Variants in GUSB observed in about 807,000 individuals in gnomAD.
The protein encoded by GUSB is glucuronidase beta, also known as beta-glucuronidase.
GUSB carries 51 observed loss-of-function variants against 74.6 expected under a neutral mutation model. The observed-to-expected ratio is 0.68, with a 90% CI of 0.55 to 0.86. The LOEUF (loss-of-function observed/expected upper bound fraction) is 0.86, where lower values mean the gene tolerates loss of function less well. Among genes scored for constraint, GUSB ranks in the 40% least tolerant of loss-of-function variants. GUSB has a pLI of 0.00. For missense variants in GUSB, 736 were observed against 853.7 expected, an observed-to-expected ratio of 0.86 and a Z score of 1.72; for synonymous variants, 360 against 348.3, an observed-to-expected ratio of 1.03 and a Z score of -0.37.
At chr7:65,966,988 A>C (rs1318387833) in intron 10 of GUSB, among the ~76,000 whole-genome samples, 1 of 152,168 alleles carries the variant, frequency 6.6e-6, no homozygotes, top group African/African-American at 2.4e-5. Flanking sequence ...TCCAGGCAGA[A>C]GAAACAGCTC....
chr7:65,972,777 T>G (rs1269793374), intron 8 of GUSB, among the ~76,000 whole-genome samples: 1 of 152,138 alleles, frequency 6.6e-6, no homozygotes, highest in Admixed American at 6.6e-5. Flanking sequence ...AAGCCTGTAC[T>G]CTTCCCCTTC....
intron 4 of GUSB, 58 bp downstream of exon 4, chr7:65,979,341 A>G (rs1329170559): frequency 1.3e-6 from 2 of 1,540,482 alleles, no homozygotes; most frequent in Non-Finnish European, 1.8e-6. Flanking sequence ...CTTTCCAAAC[A>G]GGGAACAAAC....
intron 1 of GUSB, 84 bp downstream of exon 1, chr7:65,981,890 G>C (rs756872456): frequency 1.1e-5 from 14 of 1,229,346 alleles, no homozygotes; most frequent in Non-Finnish European, 1.5e-5. Flanking sequence ...GACGCCCAGG[G>C]GAAGAAGTCT....
In GUSB at chr7:65,961,067, CAA is replaced by C. The variant is rs750022485; in HGVS notation, c.1790-6_1790-5del. 5.9e-3 allele frequency: 8,206 copies of C among 1,383,680 alleles called. No individual in the cohort carries two copies. Among genetic ancestry groups the C allele is most frequent in the Non-Finnish European group, 6.5e-3 (6,527 of 1,010,814 alleles). The allele number at this position is 1,383,680 out of a possible 1,614,324, so 85.7% of individuals were successfully genotyped here. A position where few individuals can be genotyped will look rare whatever the true frequency, so the allele number is the denominator to read the frequency against. On this transcript the variant is annotated splice_polypyrimidine_tract_variant and splice_region_variant and intron_variant, in intron 11 of 11. Coordinates refer to ENST00000304895, the MANE Select transcript of GUSB (RefSeq NM_000181.4). ...TTCCCCAGCACTCTCGTCGGTGCTA[CAA>C]AAAAAAAAAAAAGACACAAAGCGAT...
At chr7:65,967,623 A>G in intron 10 of GUSB, 108 bp downstream of exon 10, 1 of 958,190 alleles carries the variant, frequency 1.0e-6, no homozygotes, top group Non-Finnish European at 1.7e-6. Flanking sequence ...AGGAGAGCCC[A>G]AAGCTGAAGC....
chr7:65,964,598 T>C (rs752274429), intron 10 of GUSB, 140 bp from the exon 11 acceptor site: 37 of 741,414 alleles, frequency 5.0e-5, no homozygotes, highest in Non-Finnish European at 7.8e-5. Context: ...TCACTGATGC[T>C]GGGGTAAAGA....
Position 65,974,657 on chromosome 7 carries a change from G to C in GUSB, c.1113C>G (p.Asn371Lys). The change falls in exon 7 of 12, where the codon AAC (asparagine) becomes AAG (lysine). Residue 371 changes from asparagine (N) to lysine (K), a missense_variant. Coordinates refer to ENST00000304895, the MANE Select transcript of GUSB (RefSeq NM_000181.4). Reference protein sequence around the residue: ...FDWPLLVKDFNLLRWLGANAF... With the variant: ...FDWPLLVKDFKLLRWLGANAF... ...CGTTGGCACCAAGCCAGCGAAGCAG[G>C]TTGAAGTCCTTCACCAGCAGCGGCC... 6.2e-7 allele frequency: 1 copy of C among 1,613,922 alleles called. No individual in the cohort carries two copies. Among genetic ancestry groups the C allele is most frequent in the South Asian group, 1.1e-5 (1 of 91,072 alleles).
intron 1 of GUSB, chr7:65,980,947 T>A (rs1791968999): frequency 4.9e-6 from 1 of 204,986 alleles, no homozygotes; most frequent in African/African-American, 2.3e-5. Flanking sequence ...GGTGGCGTCC[T>A]GGGCCTGATG....
chr7:65,971,731 G>A (rs1199344804), intron 8 of GUSB, among the ~76,000 whole-genome samples: 1 of 143,472 alleles, frequency 7.0e-6, no homozygotes, highest in East Asian at 2.1e-4. Flanking sequence ...ACTCCATCTT[G>A]CGGAAAAAAA....
At chr7:65,979,617 T>C in intron 3 of GUSB, 76 bp from the exon 4 acceptor site, 1 of 1,598,438 alleles carries the variant, frequency 6.3e-7, no homozygotes, top group South Asian at 1.1e-5. Context: ...CTCCCTGGCC[T>C]CCCCAGATCC....
rs144397476 is a variant in GUSB, at chr7:65,979,855, G to A, written c.453C>T (p.Ala151=). 40 of 1,613,132 alleles carry A rather than the reference G, an allele frequency of 2.5e-5. No individual in the cohort carries two copies. The African/African-American group carries it at 2.8e-4, about 11-fold the overall frequency. ...CCACCTGGACCAGGTTGCTGATGTC[G>A]GCCTCGAAGGGGAGGTAGCCCCCCT... ...EHEGGYLPFE[A]DISNLVQVGP... is the part of the protein sequence containing the mutation. Residue 151 remains alanine (A), a synonymous_variant, in exon 3 of 12, where the codon GCC becomes GCT. Coordinates refer to ENST00000304895, the MANE Select transcript of GUSB (RefSeq NM_000181.4).
Position 65,981,985 on chromosome 7 carries a change from G to C in GUSB, c.199C>G (p.Pro67Ala), listed in dbSNP as rs1330912761. ...CCCCGAGATCGCACCTCCCACAGCG[G>C]CCGCCGGTACCACTGCTCCTCGAAG... ...RGFEEQWYRR[P>A]LWESGPTVDM... The change falls in exon 1 of 12, where the codon CCG (proline) becomes GCG (alanine). Residue 67 changes from proline to alanine, a missense_variant. Physicochemically the swap from Pro to Ala is conservative, Grantham distance 27. Around this residue, in one of 2 missense-constraint regions of GUSB, gnomAD observed 368 missense variants for 363.8 expected, o/e 1.01. Coordinates refer to ENST00000304895, the MANE Select transcript of GUSB (RefSeq NM_000181.4). 1 of 1,607,142 alleles carries C rather than the reference G, an allele frequency of 6.2e-7. No homozygotes were observed. The highest frequency in any genetic ancestry group is 1.1e-5 in the South Asian group (1 of 90,712).
In GUSB at chr7:65,970,340, A is replaced by G; in HGVS notation, c.1418T>C (p.Leu473Ser). The G allele has an allele frequency of 6.2e-7, 1 of 1,613,210 alleles. No individual in the cohort carries two copies. Among genetic ancestry groups the G allele is most frequent in the Non-Finnish European group, 8.5e-7 (1 of 1,179,544 alleles). ...LKMVIAHTKS[L>S]DPSRPVTFVS... is the part of the protein sequence containing the mutation. ...AAAGGTCACAGGCCGGGAGGGGTCC[A>G]AGGATTTGGTGTGAGCGATCACCAT... The change falls in exon 9 of 12, where the codon TTG becomes TCG. Residue 473 changes from leucine to serine, a missense_variant. Transcript: ENST00000304895.
chr7:65,973,890 C>T (rs114131564), intron 8 of GUSB, among the ~76,000 whole-genome samples: 5 of 151,724 alleles, frequency 3.3e-5, no homozygotes, highest in Admixed American at 6.6e-5. Context: ...AAAACTGCAC[C>T]GCTGCACTCC....
At chr7:65,970,889 AAAAC>A (rs996508334) in intron 8 of GUSB, among the ~76,000 whole-genome samples, 10 of 152,042 alleles carry the variant, frequency 6.6e-5, no homozygotes, top group African/African-American at 1.7e-4. Flanking sequence ...ACCCTGTCTC[AAAAC>A]AAACAAACAA....
intron 11 of GUSB, among the ~76,000 whole-genome samples, chr7:65,962,562 TTTC>T (rs1419488360): frequency 6.6e-6 from 1 of 152,144 alleles, no homozygotes; most frequent in African/African-American, 2.4e-5. Context: ...ATGCAGCTCA[TTTC>T]TTTTTTCTTT....
At chr7:65,964,482 G>GT in intron 10 of GUSB, 24 bp from the exon 11 acceptor site, 1 of 1,607,606 alleles carries the variant, frequency 6.2e-7, no homozygotes, top group Non-Finnish European at 8.5e-7. Context: ...CAAAGAGAAT[G>GT]TAAGAGTCAG....
At chr7:65,967,997 G>A in intron 9 of GUSB, 90 bp from the exon 10 acceptor site, 1 of 1,088,532 alleles carries the variant, frequency 9.2e-7, no homozygotes, top group East Asian at 2.4e-5. Flanking sequence ...GGCAGAGAAG[G>A]TAAGGGGGAT....
chr7:65,980,092 C>T (rs1791892676), intron 2 of GUSB, 132 bp downstream of exon 2: 2 of 1,030,602 alleles, frequency 1.9e-6, no homozygotes, highest in Admixed American at 2.0e-5. Context: ...GGGCACAGCC[C>T]CCAGGGCAGG....
Sources: allele counts gnomAD v4.1 joint callset (sites outside exome capture counted in the v4.1 genomes callset), GRCh38; gene constraint gnomAD v4.1.1; regional missense constraint gnomAD v4.1.1; transcripts MANE v1.5; gene names NCBI Gene and HGNC (gene_info 2026-07-23, HGNC 2026-07-21).